The following DMD variants were observed in gnomAD, a reference collection of about 807,000 sequenced individuals.
DMD encodes the protein dystrophin.
In DMD, 63 loss-of-function variants were observed where a neutral mutation model predicts 330.1. The observed-to-expected ratio is 0.19, with a 90% CI of 0.16 to 0.24. DMD has a LOEUF of 0.24. Among genes scored for constraint, DMD ranks in the 10% least tolerant of loss-of-function variants. The pLI is 1.00. For missense variants in DMD, 3,344 were observed against 2,684.1 expected (o/e 1.25, Z -5.43); for synonymous variants, 1,223 against 959.8 (o/e 1.27, Z -5.07).
At position 31,284,825 on chromosome X, in the gene DMD, A is replaced by AACACACACAC. The variant is rs61401043; in HGVS notation, c.9225-23819_9225-23810dup. Among the ~76,000 whole-genome samples, 466 of 91,486 alleles carry AACACACACAC rather than the reference A, an allele frequency of 5.1e-3. 3 individuals carry two copies. Among genetic ancestry groups the AACACACACAC allele is most frequent in the African/African-American group, 0.018 (432 of 24,627 alleles). 79.4% of individuals were successfully genotyped at this position (91,486 alleles called of 115,157 possible). Reference sequence around the variant, plus strand: ...CCTTAAAGATAAATCTAATGGCTTAAACACACACACACACACACACACACA... The same window carrying AACACACACAC: ...CCTTAAAGATAAATCTAATGGCTTAAACACACACACACACACACACACACACACACACACA... On this transcript the variant is annotated intron_variant, in intron 62 of 78. Transcript: ENST00000357033.
chrX:32,477,271 T>TA (rs2041330045), intron 21 of DMD, among the ~76,000 whole-genome samples: 1 of 109,521 alleles, frequency 9.1e-6, no homozygotes, highest in African/African-American at 3.4e-5. Flanking sequence ...TAAGGGCTCC[T>TA]ATCCTGCACT....
intron 4 of DMD, among the ~76,000 whole-genome samples, chrX:32,833,056 G>C (rs1336262863): frequency 3.6e-5 from 4 of 111,547 alleles, no homozygotes; most frequent in African/African-American, 1.3e-4. Context: ...TACATATTTA[G>C]TCATTCTTTA....
At chrX:32,165,280 C>T (rs2096864156) in intron 44 of DMD, among the ~76,000 whole-genome samples, 2 of 112,546 alleles carry the variant, frequency 1.8e-5, no homozygotes, top group Admixed American at 1.9e-4. Context: ...GAGAGGGGCT[C>T]TACCCTGCAA....
chrX:31,575,443 C>A (rs1238063349), intron 55 of DMD, among the ~76,000 whole-genome samples: 1 of 111,613 alleles, frequency 9.0e-6, no homozygotes, highest in Non-Finnish European at 1.9e-5. Flanking sequence ...AACAGCAGGA[C>A]CTAAATCATG....
intron 12 of DMD, among the ~76,000 whole-genome samples, chrX:32,600,793 A>G (rs777229806): frequency 9.0e-6 from 1 of 111,488 alleles, no homozygotes; most frequent in East Asian, 2.8e-4. Flanking sequence ...ACTAACGAGA[A>G]AAAAATTGTA....
chrX:31,190,245 T>C (rs2042186534), intron 67 of DMD, among the ~76,000 whole-genome samples: 1 of 111,585 alleles, frequency 9.0e-6, no homozygotes, highest in Admixed American at 9.5e-5. Flanking sequence ...GAGGAGACTG[T>C]AGAGGGAAAC....
chrX:32,329,807 A>G (rs768612444), intron 41 of DMD, among the ~76,000 whole-genome samples: 2 of 112,588 alleles, frequency 1.8e-5, no homozygotes, highest in African/African-American at 6.4e-5. Flanking sequence ...TCCCCAGTTA[A>G]TTTATTCTGG....
chrX:33,264,514 C>T (rs1265917489), intron 1 of DMD, among the ~76,000 whole-genome samples: 2 of 110,666 alleles, frequency 1.8e-5, no homozygotes, highest in African/African-American at 3.3e-5. Flanking sequence ...TAAGATTACA[C>T]ATGTTGTTAA....
At chrX:32,800,933 C>A (rs1357209525) in intron 7 of DMD, among the ~76,000 whole-genome samples, 8 of 111,587 alleles carry the variant, frequency 7.2e-5, no homozygotes, top group Non-Finnish European at 1.1e-4. Flanking sequence ...GCCAAATTTT[C>A]TTTATCCAGT....
chrX:31,495,835 T>C (rs1040201974), intron 57 of DMD, among the ~76,000 whole-genome samples: 1 of 111,379 alleles, frequency 9.0e-6, no homozygotes, highest in Non-Finnish European at 1.9e-5. Context: ...TACCACCTCC[T>C]GATGATGGAA....
Position 32,233,605 on chromosome X carries a change from T to TTATTTATTTATG in DMD, c.6291-16543_6291-16542insCATAAATAAATA, listed in dbSNP as rs1302834588. Among the ~76,000 whole-genome samples, 730 of 78,203 alleles carry TTATTTATTTATG rather than the reference T, an allele frequency of 9.3e-3. 9 individuals are homozygous for TTATTTATTTATG. The highest frequency in any genetic ancestry group is 0.035 in the African/African-American group (695 of 19,596). 67.9% of individuals were successfully genotyped at this position (78,203 alleles called of 115,157 possible). On this transcript the variant is annotated intron_variant, in intron 43 of 78. Transcript: ENST00000357033. ...CTGGTACAATTTCTTTTTCTTTTAT[T>TTATTTATTTATG]TATTTATTTATTTATTTATTTATTT...
chrX:31,497,260 G>T (rs2069963469), intron 56 of DMD, among the ~76,000 whole-genome samples: 1 of 111,841 alleles, frequency 8.9e-6, no homozygotes, highest in Non-Finnish European at 1.9e-5. Context: ...AGAAAAAATT[G>T]GATGCAGTGA....
chrX:31,994,692 C>T (rs2095573124), intron 44 of DMD, among the ~76,000 whole-genome samples: 1 of 111,403 alleles, frequency 9.0e-6, no homozygotes, highest in African/African-American at 3.3e-5. Context: ...CAGTCATTTG[C>T]AGAACAAGAC....
rs1161839874 is a variant in DMD, at chrX:31,121,536, CTG to C, written c.*381_*382del. On this transcript the variant is annotated 3_prime_UTR_variant, in exon 79 of 79. Coordinates refer to ENST00000357033, the MANE Select transcript of DMD (RefSeq NM_004006.3). ...TTTAGTTTACAATCTTTCTTTATAA[CTG>C]TTATAAATTTTTAAACAACCCAAAA... 9.2e-6 allele frequency: 2 copies of C among 217,735 alleles called. No homozygotes were observed. The highest frequency in any genetic ancestry group is 5.9e-5 in the African/African-American group (2 of 33,627). 17.9% of individuals were successfully genotyped at this position (217,735 alleles called of 1,213,427 possible). A position where few individuals can be genotyped will look rare whatever the true frequency, so the allele number is the denominator to read the frequency against.
At chrX:32,314,210 C>A (rs1023283148) in intron 41 of DMD, among the ~76,000 whole-genome samples, 2 of 111,238 alleles carry the variant, frequency 1.8e-5, no homozygotes, top group African/African-American at 6.5e-5. Flanking sequence ...TATAGACCAA[C>A]GGAACAGAAC....
chrX:31,861,116 CAA>C (rs2093690165), intron 48 of DMD, among the ~76,000 whole-genome samples: 1 of 111,178 alleles, frequency 9.0e-6, no homozygotes, highest in African/African-American at 3.3e-5. Flanking sequence ...ACCAATAACC[CAA>C]AAGAGAACAT....
At chrX:32,893,527 A>T (rs2149266850) in intron 2 of DMD, among the ~76,000 whole-genome samples, 1 of 111,822 alleles carries the variant, frequency 8.9e-6, no homozygotes, top group East Asian at 2.8e-4. Flanking sequence ...CTCCTCAGTA[A>T]TTTACTCTTT....
chrX:32,729,966 G>T (rs1048587843), intron 7 of DMD, among the ~76,000 whole-genome samples: 1 of 111,496 alleles, frequency 9.0e-6, no homozygotes, highest in African/African-American at 3.3e-5. Context: ...CTTAAGAGTT[G>T]GTTAAATATT....
At position 31,813,079 on chromosome X, in the gene DMD, G is replaced by C. The variant is rs1358654856; in HGVS notation, c.7309+6896C>G. Among the ~76,000 whole-genome samples the C allele has an allele frequency of 8.9e-5, 10 of 111,822 alleles. No individual in the cohort carries two copies. In the Admixed American group the frequency reaches 9.5e-4, roughly 11 times the overall value. ...CAGGGAACAAAGTTGAGATATATGA[G>C]AATACTGAAGAGGACTGAAATCAAA... is the stretch of plus-strand genomic sequence containing the variant. On this transcript the variant is annotated intron_variant, in intron 50 of 78. Coordinates refer to ENST00000357033, the MANE Select transcript of DMD (RefSeq NM_004006.3).
Sources: allele counts gnomAD v4.1 joint callset (sites outside exome capture counted in the v4.1 genomes callset), GRCh38; gene constraint gnomAD v4.1.1; transcripts MANE v1.5; gene names NCBI Gene and HGNC (gene_info 2026-07-23, HGNC 2026-07-21).